The following FAF1 variants were observed in gnomAD, a reference collection of about 807,000 sequenced individuals.
The protein encoded by FAF1 is Fas associated factor 1, also known as FAS-associated factor 1.
In FAF1, 25 loss-of-function variants were observed where a neutral mutation model predicts 92.5. The observed-to-expected ratio is 0.27, with a 90% CI of 0.20 to 0.38. The LOEUF is 0.38. Ranked by LOEUF, FAF1 falls within the 10% of genes least tolerant of loss-of-function variation. The pLI is 1.00. For synonymous variants in FAF1, 234 were observed against 273.2 expected (o/e 0.86, Z 1.42); for missense variants, 636 against 793.3 (o/e 0.80, Z 2.38).
In FAF1 at chr1:50,576,162, G is replaced by A. The variant is rs570038193; in HGVS notation, c.1113+6456C>T. ...CCAAAACTGCTTAATGGCACCATCTGTCTTATCCACAGTGCTGGGTGCATT... is the reference window on the plus strand; with the variant it reads ...CCAAAACTGCTTAATGGCACCATCTATCTTATCCACAGTGCTGGGTGCATT... On this transcript the variant is annotated intron_variant, in intron 12 of 18. Coordinates refer to ENST00000396153, the MANE Select transcript of FAF1 (RefSeq NM_007051.3). Among the ~76,000 whole-genome samples, 3 of 152,288 alleles carry A rather than the reference G, an allele frequency of 2.0e-5. No individual in the cohort carries two copies. In the South Asian group the frequency reaches 6.2e-4, roughly 32 times the overall value.
intron 1 of FAF1, among the ~76,000 whole-genome samples, chr1:50,881,553 T>C (rs1396388508): frequency 6.6e-6 from 1 of 152,178 alleles, no homozygotes; most frequent in Admixed American, 6.5e-5. Flanking sequence ...TACAATGAAG[T>C]CTTCCACATA....
At chr1:50,899,522 C>T (rs769399966) in intron 1 of FAF1, among the ~76,000 whole-genome samples, 1 of 152,168 alleles carries the variant, frequency 6.6e-6, no homozygotes, top group African/African-American at 2.4e-5. Flanking sequence ...AGCTGGAGTG[C>T]AGTGGCAACA....
intron 18 of FAF1, among the ~76,000 whole-genome samples, chr1:50,461,081 G>A (rs1183570975): frequency 2.6e-5 from 4 of 152,182 alleles, no homozygotes; most frequent in African/African-American, 9.7e-5. Context: ...AACAGTGGTT[G>A]AGTATCCACT....
intron 8 of FAF1, among the ~76,000 whole-genome samples, chr1:50,610,771 T>C (rs998385638): frequency 4.6e-5 from 7 of 152,176 alleles, no homozygotes; most frequent in African/African-American, 1.7e-4. Flanking sequence ...GGCTTCTTCA[T>C]GTTACAGAGG....
intron 1 of FAF1, among the ~76,000 whole-genome samples, chr1:50,958,200 C>A (rs897447909): frequency 6.6e-6 from 1 of 152,104 alleles, no homozygotes; most frequent in African/African-American, 2.4e-5. Context: ...TCAGGCCAAT[C>A]CTAAACCTAC....
chr1:50,578,905 T>C (rs755553052), intron 12 of FAF1, among the ~76,000 whole-genome samples: 1 of 152,146 alleles, frequency 6.6e-6, no homozygotes, highest in Non-Finnish European at 1.5e-5. Context: ...TAATAAACTG[T>C]ACATAAACTG....
Position 50,438,507 on chromosome 1 carries a change from T to A in FAF1, c.*2933A>T, listed in dbSNP as rs972433350. ...ATGCCTATATGAGTTACTCCTGGAC[T>A]GAACTAAAGACTCCAAGTCCCATCC... On this transcript the variant is annotated 3_prime_UTR_variant, in exon 19 of 19. Coordinates refer to ENST00000396153, the MANE Select transcript of FAF1 (RefSeq NM_007051.3). 4.6e-5 allele frequency: 7 copies of A among 152,222 alleles called. No individual in the cohort carries two copies. Among genetic ancestry groups the A allele is most frequent in the African/African-American group, 1.7e-4 (7 of 41,444 alleles). The allele number at this position is 152,222 out of a possible 1,614,324, so 9.4% of individuals were successfully genotyped here. A position where few individuals can be genotyped will look rare whatever the true frequency, so the allele number is the denominator to read the frequency against.
chr1:50,959,713 C>T (rs1430070856), intron 1 of FAF1, 54 bp downstream of exon 1: 7 of 1,510,440 alleles, frequency 4.6e-6, no homozygotes, highest in Non-Finnish European at 6.4e-6. Flanking sequence ...TCCCTTGTGG[C>T]ACCGGAAACC....
intron 2 of FAF1, among the ~76,000 whole-genome samples, chr1:50,829,311 C>A (rs1644132333): frequency 6.6e-6 from 1 of 152,008 alleles, no homozygotes; most frequent in Non-Finnish European, 1.5e-5. Context: ...TGGTACCAGG[C>A]CAAATTGAAG....
At chr1:50,684,919 A>C (rs1656587658) in intron 7 of FAF1, among the ~76,000 whole-genome samples, 1 of 152,238 alleles carries the variant, frequency 6.6e-6, no homozygotes, top group Non-Finnish European at 1.5e-5. Context: ...TATAGGCTAT[A>C]AGATGGCCTA....
intron 4 of FAF1, among the ~76,000 whole-genome samples, chr1:50,772,655 T>C (rs1172699980): frequency 6.6e-6 from 1 of 152,060 alleles, no homozygotes; most frequent in Non-Finnish European, 1.5e-5. Context: ...ACACTGAGCA[T>C]ACATGGACAC....
At chr1:50,563,604 T>C (rs1341298193) in intron 13 of FAF1, among the ~76,000 whole-genome samples, 1 of 152,150 alleles carries the variant, frequency 6.6e-6, no homozygotes, top group Non-Finnish European at 1.5e-5. Flanking sequence ...ATAAGCAACA[T>C]TCTTGGATGG....
At chr1:50,655,887 T>C (rs1351921172) in intron 7 of FAF1, among the ~76,000 whole-genome samples, 1 of 152,268 alleles carries the variant, frequency 6.6e-6, no homozygotes, top group African/African-American at 2.4e-5. Context: ...TGCACAATGA[T>C]TCAAAACCAA....
At chr1:50,927,586 T>TA (rs1645016157) in intron 1 of FAF1, among the ~76,000 whole-genome samples, 1 of 152,162 alleles carries the variant, frequency 6.6e-6, no homozygotes, top group Non-Finnish European at 1.5e-5. Context: ...ACATAAAGTT[T>TA]TAAAACTGGC....
intron 2 of FAF1, among the ~76,000 whole-genome samples, chr1:50,835,816 A>G (rs1007076180): frequency 1.3e-5 from 2 of 152,128 alleles, no homozygotes; most frequent in East Asian, 1.9e-4. Context: ...TAATTGTAGG[A>G]TGGCTTCCAG....
intron 4 of FAF1, among the ~76,000 whole-genome samples, chr1:50,787,357 T>G (rs1406787979): frequency 6.6e-6 from 1 of 152,178 alleles, no homozygotes; most frequent in African/African-American, 2.4e-5. Flanking sequence ...AAAAGGTGAT[T>G]AGGCAATGAG....
intron 12 of FAF1, among the ~76,000 whole-genome samples, chr1:50,570,439 G>T (rs1470789529): frequency 6.6e-6 from 1 of 151,920 alleles, no homozygotes; most frequent in Non-Finnish European, 1.5e-5. Context: ...ACTGGAAGCT[G>T]AGAGAAAAAA....
At chr1:50,762,732 A>T (rs1660379847) in intron 4 of FAF1, among the ~76,000 whole-genome samples, 1 of 152,140 alleles carries the variant, frequency 6.6e-6, no homozygotes, top group Admixed American at 6.5e-5. Context: ...AAACCATAAA[A>T]ACCCTAGAAG....
At chr1:50,932,314 C>T (rs147612247) in intron 1 of FAF1, among the ~76,000 whole-genome samples, 203 of 152,282 alleles carry the variant, frequency 1.3e-3, no homozygotes, top group African/African-American at 4.7e-3. Flanking sequence ...CCTCTAAAAT[C>T]AAAAGCAAGC....
Sources: allele counts gnomAD v4.1 joint callset (sites outside exome capture counted in the v4.1 genomes callset), GRCh38; gene constraint gnomAD v4.1.1; transcripts MANE v1.5; gene names NCBI Gene and HGNC (gene_info 2026-07-23, HGNC 2026-07-21).